The following CSMD1 variants were observed in gnomAD, a reference collection of about 807,000 sequenced individuals.
CSMD1 encodes the protein CUB and sushi domain-containing protein 1.
In CSMD1, 213 loss-of-function variants were observed where a neutral mutation model predicts 417.5. The observed-to-expected ratio is 0.51, with a 90% CI of 0.46 to 0.57. CSMD1 has a LOEUF of 0.57. Among genes scored for constraint, CSMD1 ranks in the 20% least tolerant of loss-of-function variants. CSMD1 has a pLI of 0.00. For missense variants in CSMD1, 6,923 were observed against 4,529.7 expected (o/e 1.53, Z -15.17); for synonymous variants, 2,862 against 1,736.8 (o/e 1.65, Z -16.11).
chr8:4,922,250 T>C (rs560781981), intron 1 of CSMD1, among the ~76,000 whole-genome samples: 57 of 152,258 alleles, frequency 3.7e-4, no homozygotes, highest in African/African-American at 1.3e-3. Context: ...TAATGGCAGA[T>C]GATACGTACA....
chr8:4,100,377 C>G (rs770263787), intron 3 of CSMD1, among the ~76,000 whole-genome samples: 15 of 152,226 alleles, frequency 9.9e-5, no homozygotes, highest in Admixed American at 7.9e-4. Flanking sequence ...CCACCCATCT[C>G]CTTCCACCTT....
At chr8:4,840,837 T>C (rs897918251) in intron 1 of CSMD1, among the ~76,000 whole-genome samples, 3 of 152,244 alleles carry the variant, frequency 2.0e-5, no homozygotes, top group Non-Finnish European at 2.9e-5. Flanking sequence ...TCATGAGTAA[T>C]CATTACCACT....
At chr8:3,278,075 A>G (rs1261614861) in intron 26 of CSMD1, among the ~76,000 whole-genome samples, 1 of 152,114 alleles carries the variant, frequency 6.6e-6, no homozygotes, top group African/African-American at 2.4e-5. Context: ...TCTGATCTTT[A>G]GAGTTTCAAG....
At chr8:4,407,209 C>A (rs1279577604) in intron 3 of CSMD1, among the ~76,000 whole-genome samples, 2 of 152,182 alleles carry the variant, frequency 1.3e-5, no homozygotes, top group Non-Finnish European at 2.9e-5. Flanking sequence ...GTGATCACCC[C>A]TGAATTCCAG....
chr8:4,021,708 C>T (rs1227743790), intron 4 of CSMD1, among the ~76,000 whole-genome samples: 2 of 152,096 alleles, frequency 1.3e-5, no homozygotes, highest in Non-Finnish European at 2.9e-5. Flanking sequence ...ATTTTTTTCT[C>T]TATGTATTGT....
intron 3 of CSMD1, among the ~76,000 whole-genome samples, chr8:4,245,360 T>G (rs948568554): frequency 6.6e-6 from 1 of 152,138 alleles, no homozygotes; most frequent in East Asian, 1.9e-4. Flanking sequence ...GAGGAAAGAT[T>G]GCAAGTACCC....
At chr8:3,030,453 A>G (rs1443502028) in intron 50 of CSMD1, among the ~76,000 whole-genome samples, 2 of 151,794 alleles carry the variant, frequency 1.3e-5, no homozygotes, top group Non-Finnish European at 2.9e-5. Flanking sequence ...TCAGAATCAT[A>G]GTGTTATATT....
At chr8:4,785,722 G>A (rs536162424) in intron 1 of CSMD1, among the ~76,000 whole-genome samples, 33 of 152,212 alleles carry the variant, frequency 2.2e-4, no homozygotes, top group South Asian at 6.2e-4. Flanking sequence ...CTTTATAATA[G>A]AGCACATCTT....
rs374151064 is a variant in CSMD1, at chr8:4,893,656, TTC to T, written c.85+100674_85+100675del. 4.2e-3 allele frequency among the ~76,000 whole-genome samples: 639 copies of T among 152,258 alleles called. 9 individuals carry two copies. The highest frequency in any genetic ancestry group is 0.01 in the Middle Eastern group (3 of 294). On this transcript the variant is annotated intron_variant, in intron 1 of 69. Transcript: ENST00000635120. ...CAATACATTTTATGAGAAGCCGAAC[TTC>T]TTTTTCCTAACTGGTTCAAACTGTC...
intron 1 of CSMD1, among the ~76,000 whole-genome samples, chr8:4,690,525 A>G (rs2116760446): frequency 6.6e-6 from 1 of 152,316 alleles, no homozygotes; most frequent in Non-Finnish European, 1.5e-5. Context: ...TATTTCCTGG[A>G]AAATCTATCT....
At chr8:2,952,483 C>T (rs1213457353) in intron 65 of CSMD1, among the ~76,000 whole-genome samples, 1 of 152,084 alleles carries the variant, frequency 6.6e-6, no homozygotes, top group East Asian at 1.9e-4. Context: ...GTAGACCCCA[C>T]TTTCTCATAA....
rs777698127 is a variant in CSMD1 at position 3,230,125 on chromosome 8, G to A, written c.4260C>T (p.Gly1420=). The A allele has an allele frequency of 2.5e-6, 4 of 1,613,742 alleles. No homozygotes were observed. The highest frequency in any genetic ancestry group is 3.4e-6 in the Non-Finnish European group (4 of 1,179,758). ...GDTVTFQCDP[G]YQLQGQAKIT... ...TTTTGGCTTGTCCTTGGAGCTGATA[G>A]CCAGGGTCACACTGGAATGTGACGG... The change falls in exon 27 of 70, where the codon GGC becomes GGT. Residue 1420 remains glycine, a synonymous_variant. Coordinates refer to ENST00000635120, the MANE Select transcript of CSMD1 (RefSeq NM_033225.6).
intron 5 of CSMD1, among the ~76,000 whole-genome samples, chr8:3,876,719 C>A (rs1805849847): frequency 6.6e-6 from 1 of 152,194 alleles, no homozygotes; most frequent in Admixed American, 6.5e-5. Flanking sequence ...AAGCAATCCT[C>A]CAGCCTTGGC....
chr8:3,419,878 T>C (rs1165480780), intron 12 of CSMD1, among the ~76,000 whole-genome samples: 1 of 152,162 alleles, frequency 6.6e-6, no homozygotes, highest in Non-Finnish European at 1.5e-5. Flanking sequence ...AAATATAGAC[T>C]CTTGGAATAG....
chr8:4,792,901 G>C (rs1184651856), intron 1 of CSMD1, among the ~76,000 whole-genome samples: 1 of 151,826 alleles, frequency 6.6e-6, no homozygotes, highest in Non-Finnish European at 1.5e-5. Context: ...CAGCACATTT[G>C]AGTTCATATA....
chr8:3,080,478 C>A lies in CSMD1; in HGVS notation c.7474+6619G>T, dbSNP rs575437622. Among the ~76,000 whole-genome samples the A allele has an allele frequency of 9.9e-5, 15 of 152,236 alleles. No homozygotes were observed. The East Asian group carries it at 2.9e-3, about 29-fold the overall frequency. On this transcript the variant is annotated intron_variant, in intron 49 of 69. Transcript: ENST00000635120. ...AAAACAACCTGGAGTTCCCTGAAAC[C>A]AATAAAATACATTTTGCCGGCTCCA...
At chr8:3,232,561 G>A (rs112114278) in intron 26 of CSMD1, among the ~76,000 whole-genome samples, 26 of 152,234 alleles carry the variant, frequency 1.7e-4, no homozygotes, top group Non-Finnish European at 3.4e-4. Context: ...TGTACATGCT[G>A]CTGGTACACA....
chr8:4,128,225 C>T (rs1293812877), intron 3 of CSMD1, among the ~76,000 whole-genome samples: 1 of 152,092 alleles, frequency 6.6e-6, no homozygotes, highest in South Asian at 2.1e-4. Context: ...CCTTGAAAGG[C>T]ATGTTTCTGC....
chr8:4,521,541 C>T (rs2130398305), intron 2 of CSMD1, among the ~76,000 whole-genome samples: 1 of 152,222 alleles, frequency 6.6e-6, no homozygotes, highest in East Asian at 1.9e-4. Flanking sequence ...TCTACTATAG[C>T]AGTGATACAT....
Sources: allele counts gnomAD v4.1 joint callset (sites outside exome capture counted in the v4.1 genomes callset), GRCh38; gene constraint gnomAD v4.1.1; transcripts MANE v1.5; gene names NCBI Gene and HGNC (gene_info 2026-07-23, HGNC 2026-07-21).